TPM4: variants seen among roughly 807,000 people sequenced by gnomAD.
The protein encoded by TPM4 is tropomyosin 4.
In TPM4, 17 loss-of-function variants were observed where a neutral mutation model predicts 35.8. The observed-to-expected ratio is 0.47, with a 90% CI of 0.32 to 0.71. The LOEUF is 0.71. Ranked by LOEUF, TPM4 falls within the 30% of genes least tolerant of loss-of-function variation. TPM4 has a pLI of 0.03. For missense variants in TPM4, 240 were observed against 320.9 expected (o/e 0.75, Z 1.93); for synonymous variants, 120 against 122.9 (o/e 0.98, Z 0.15).
intron 5 of TPM4, among the ~76,000 whole-genome samples, chr19:16,092,625 T>A (rs914379431): frequency 1.3e-5 from 2 of 151,358 alleles, no homozygotes; most frequent in Admixed American, 1.3e-4. Context: ...AGCCTCCACC[T>A]CCTGGGTTTA....
In TPM4 at chr19:16,089,123, A is replaced by G; in HGVS notation, c.531+3A>G. The G allele has an allele frequency of 9.9e-6, 16 of 1,613,348 alleles. No homozygotes were observed. Among genetic ancestry groups the G allele is most frequent in the Non-Finnish European group, 1.4e-5 (16 of 1,179,970 alleles). The stretch of plus-strand genomic sequence containing the variant: ...CTCTGGAGGCTGCATCTGAAAAGGT[A>G]GGTGGTTGGCTTGAGCTGGAGGGTG... On this transcript the variant is annotated splice_donor_region_variant and intron_variant, in intron 5 of 7. Coordinates refer to ENST00000643579, the MANE Select transcript of TPM4 (RefSeq NM_003290.3).
At chr19:16,084,301 T>G (rs1001871478) in intron 2 of TPM4, among the ~76,000 whole-genome samples, 1 of 152,218 alleles carries the variant, frequency 6.6e-6, no homozygotes, top group African/African-American at 2.4e-5. Flanking sequence ...TCACCCAAGC[T>G]GGAAATTTCT....
intron 1 of TPM4, chr19:16,078,129 C>G (rs532084562): frequency 2.5e-6 from 1 of 398,576 alleles, no homozygotes; most frequent in African/African-American, 2.1e-5. Flanking sequence ...GGCAGGGGAG[C>G]TGACTCACTG....
At chr19:16,096,980 G>T (rs1351285083) in intron 7 of TPM4, among the ~76,000 whole-genome samples, 2 of 107,306 alleles carry the variant, frequency 1.9e-5, no homozygotes, top group Non-Finnish European at 3.4e-5. Flanking sequence ...TCAAGACAGG[G>T]TCTCACTCTG....
At chr19:16,092,080 G>A (rs2090634162) in intron 5 of TPM4, among the ~76,000 whole-genome samples, 1 of 151,916 alleles carries the variant, frequency 6.6e-6, no homozygotes, top group South Asian at 2.1e-4. Context: ...CTGAGTCAGG[G>A]GAATTGCTTC....
chr19:16,093,453 C>G (rs2090652930), intron 5 of TPM4, 83 bp from the exon 6 acceptor site: 1 of 1,531,798 alleles, frequency 6.5e-7, no homozygotes, highest in Non-Finnish European at 9.0e-7. Flanking sequence ...CTCAGGCTCC[C>G]AAAGTGCCAG....
At chr19:16,092,718 T>G (rs1382326357) in intron 5 of TPM4, among the ~76,000 whole-genome samples, 2 of 152,166 alleles carry the variant, frequency 1.3e-5, no homozygotes, top group African/African-American at 4.8e-5. Flanking sequence ...GTATTTTTAG[T>G]AAAGACAGCG....
chr19:16,087,938 G>A, intron 3 of TPM4, 89 bp from the exon 4 acceptor site: 1 of 1,373,012 alleles, frequency 7.3e-7, no homozygotes, highest in Non-Finnish European at 1.0e-6. Flanking sequence ...AGGGGTCTGG[G>A]TGGGGCATCA....
intron 7 of TPM4, among the ~76,000 whole-genome samples, chr19:16,096,970 T>TC: frequency 2.8e-5 from 3 of 106,370 alleles, no homozygotes; most frequent in Non-Finnish European, 5.6e-5. Context: ...TTTTTTTTTT[T>TC]CAAGACAGGG....
chr19:16,090,505 T>C (rs796521903), intron 5 of TPM4, among the ~76,000 whole-genome samples: 79 of 150,826 alleles, frequency 5.2e-4, no homozygotes, highest in African/African-American at 1.9e-3. Flanking sequence ...CCTCCCACCT[T>C]GGCCTCCCAA....
chr19:16,097,840 C>T (rs1861208663), intron 7 of TPM4, among the ~76,000 whole-genome samples: 1 of 152,040 alleles, frequency 6.6e-6, no homozygotes, highest in African/African-American at 2.4e-5. Context: ...GTCCCCATTA[C>T]TCTCTCTATT....
At chr19:16,095,278 C>T (rs776898214) in intron 7 of TPM4, 7 of 1,028,366 alleles carry the variant, frequency 6.8e-6, no homozygotes, top group Non-Finnish European at 8.2e-6. Flanking sequence ...GTTATACGCT[C>T]AGAAGCTCAA....
chr19:16,100,973 C>A (rs1167960458), intron 7 of TPM4: 2 of 232,714 alleles, frequency 8.6e-6, no homozygotes, highest in African/African-American at 4.6e-5. Flanking sequence ...AGCTCGAGAC[C>A]AGCCTGGCTA....
intron 5 of TPM4, among the ~76,000 whole-genome samples, chr19:16,093,283 C>T (rs2090651301): frequency 6.6e-6 from 1 of 151,884 alleles, no homozygotes; most frequent in Non-Finnish European, 1.5e-5. Context: ...GCAACCTCCA[C>T]CTCCCAGGTT....
chr19:16,078,315 G>T (rs1414908900), intron 1 of TPM4, among the ~76,000 whole-genome samples: 1 of 152,180 alleles, frequency 6.6e-6, no homozygotes, highest in East Asian at 1.9e-4. Flanking sequence ...GTGGGGGGGT[G>T]TGCGGATAGA....
chr19:16,080,411 A>G lies in TPM4; in HGVS notation c.133-1502A>G, dbSNP rs561148509. The stretch of plus-strand genomic sequence containing the variant: ...CCACCTGCTGGGCATAAGCGGCGCC[A>G]CCCTCTGGAGTTACAGCCTCAAGGC... On this transcript the variant is annotated intron_variant, in intron 1 of 7. Transcript: ENST00000643579. The G allele has an allele frequency of 3.5e-5, 7 of 201,704 alleles. No individual in the cohort carries two copies. In the East Asian group the frequency reaches 5.3e-4, roughly 15 times the overall value. 12.5% of individuals were successfully genotyped at this position (201,704 alleles called of 1,614,324 possible).
At chr19:16,087,314 C>A (rs373316547) in intron 3 of TPM4, among the ~76,000 whole-genome samples, 1 of 152,088 alleles carries the variant, frequency 6.6e-6, no homozygotes, top group South Asian at 2.1e-4. Flanking sequence ...TGGTGGCTCA[C>A]GCCGGTAATC....
intron 4 of TPM4, chr19:16,088,715 C>A: frequency 9.1e-7 from 1 of 1,094,606 alleles, no homozygotes; most frequent in Non-Finnish European, 1.1e-6. Flanking sequence ...GCCCTCAGTC[C>A]CATTCTTACA....
At position 16,076,524 on chromosome 19, in the gene TPM4, C is replaced by T. The variant is rs2090407930; in HGVS notation, c.-42C>T. 1 of 1,401,936 alleles carries T rather than the reference C, an allele frequency of 7.1e-7. No individual in the cohort carries two copies. Among genetic ancestry groups the T allele is most frequent in the South Asian group, 1.5e-5 (1 of 67,692 alleles). The allele number at this position is 1,401,936 out of a possible 1,614,324, so 86.8% of individuals were successfully genotyped here. On this transcript the variant is annotated 5_prime_UTR_variant, in exon 1 of 8. Transcript: ENST00000643579. ...AGCTCTCGCCGGAGCCGAGCCCAGC[C>T]GAGCGTCCGCCGCTGCCCGTGCGCC... is the stretch of plus-strand genomic sequence containing the variant.
Sources: gnomAD v4.1 joint callset for allele counts (sites outside exome capture counted in the v4.1 genomes callset) on GRCh38, gnomAD v4.1.1 for gene constraint, MANE v1.5 for transcripts, NCBI Gene and HGNC (gene_info 2026-07-23, HGNC 2026-07-21) for gene names.